Variants in MYH14 observed in about 807,000 individuals in gnomAD.
MYH14 encodes myosin heavy chain 14.
MYH14 carries 123 observed loss-of-function variants against 255.5 expected under a neutral mutation model. The ratio of observed to expected loss-of-function variants is 0.48; its 90% CI spans 0.42 to 0.56. The LOEUF (loss-of-function observed/expected upper bound fraction) is 0.56, where lower values mean the gene tolerates loss of function less well. Among genes scored for constraint, MYH14 ranks in the 20% least tolerant of loss-of-function variants. The probability of loss-of-function intolerance (pLI) is 0.00; values close to 1 mark genes in which losing one functional copy is unlikely to be tolerated. For synonymous variants in MYH14, 1,095 were observed against 1,161.2 expected (o/e 0.94, Z 1.16); for missense variants, 2,423 against 2,802.3 (o/e 0.86, Z 3.06).
At chr19:50,215,110 G>T (rs371528971) in intron 2 of MYH14, among the ~76,000 whole-genome samples, 1 of 152,280 alleles carries the variant, frequency 6.6e-6, no homozygotes, top group Non-Finnish European at 1.5e-5. Context: ...CCCACCCTGT[G>T]GGGGTGCACC....
intron 2 of MYH14, among the ~76,000 whole-genome samples, chr19:50,216,391 C>T (rs1363205667): frequency 6.6e-6 from 1 of 151,928 alleles, no homozygotes; most frequent in African/African-American, 2.4e-5. Context: ...TTAGTTGAGC[C>T]CAGGAATTCA....
chr19:50,230,975 C>T lies in MYH14; in HGVS notation c.973+352C>T. The T allele has an allele frequency of 3.4e-6, 1 of 292,944 alleles. No homozygotes were observed. The highest frequency in any genetic ancestry group is 6.6e-6 in the Non-Finnish European group (1 of 151,488). 18.1% of individuals were successfully genotyped at this position (292,944 alleles called of 1,614,324 possible). On this transcript the variant is annotated intron_variant, in intron 9 of 42. Coordinates refer to ENST00000642316, the MANE Select transcript of MYH14 (RefSeq NM_001145809.2). The surrounding 1 kb of genome is among the most constrained non-coding windows in gnomAD (Gnocchi z 4.7). ...GCGGGTGACTCCGGCTTTGCTGAGG[C>T]TCCTCCTGGTTCCTGACGACGCTGG...
At chr19:50,205,160 T>C (rs1213850857) in intron 1 of MYH14, among the ~76,000 whole-genome samples, 1 of 152,140 alleles carries the variant, frequency 6.6e-6, no homozygotes, top group African/African-American at 2.4e-5. Context: ...TGAACGTCGT[T>C]TTATTAATTT....
chr19:50,272,464 T>C (rs1016794248), intron 26 of MYH14, 96 bp from the exon 27 acceptor site: 1 of 1,318,776 alleles, frequency 7.6e-7, no homozygotes, highest in Non-Finnish European at 1.1e-6. Context: ...GTGCTGAGCT[T>C]AGCCTTATAT....
chr19:50,297,743 G>C (rs548843583), intron 39 of MYH14, among the ~76,000 whole-genome samples: 4 of 151,166 alleles, frequency 2.6e-5, no homozygotes, highest in Non-Finnish European at 5.9e-5. Flanking sequence ...CAGGTGATCC[G>C]CTGCCTCAGC....
rs1321588981 is a variant in MYH14 at position 50,255,334 on chromosome 19, C to T, written c.2044+16C>T. ...CCGCCAGGGGGTGGGTGTCTCTGTG[C>T]ATCGATGGGTGAGGCTTGCTGGAGG... On this transcript the variant is annotated intron_variant, in intron 17 of 42. Coordinates refer to ENST00000642316, the MANE Select transcript of MYH14 (RefSeq NM_001145809.2). The T allele has an allele frequency of 1.9e-6, 3 of 1,540,800 alleles. No homozygotes were observed. Among genetic ancestry groups the T allele is most frequent in the Non-Finnish European group, 2.6e-6 (3 of 1,138,418 alleles).
chr19:50,273,644 G>A (rs559773188), intron 27 of MYH14, among the ~76,000 whole-genome samples: 1 of 150,328 alleles, frequency 6.7e-6, no homozygotes, highest in South Asian at 2.1e-4. Context: ...TTAAGAACAC[G>A]TCTTTGTTTT....
chr19:50,216,631 G>GCATGGT (rs2032486793), intron 2 of MYH14, among the ~76,000 whole-genome samples: 2 of 151,628 alleles, frequency 1.3e-5, no homozygotes, highest in Non-Finnish European at 2.9e-5. Flanking sequence ...AAAAGACTAG[G>GCATGGT]CATGGTCATG....
At chr19:50,240,126 A>G (rs2033831077) in intron 10 of MYH14, among the ~76,000 whole-genome samples, 1 of 152,132 alleles carries the variant, frequency 6.6e-6, no homozygotes, top group South Asian at 2.1e-4. Context: ...TCTGTCACTC[A>G]GCCGTGTGTT....
chr19:50,230,630 G>A lies in MYH14; in HGVS notation c.973+7G>A, dbSNP rs2033329470. On this transcript the variant is annotated splice_region_variant and intron_variant, in intron 9 of 42. Transcript: ENST00000642316. The surrounding 1 kb of genome is among the most constrained non-coding windows in gnomAD (Gnocchi z 4.7). ...GCTGGAGAGCAGCTCAAAGGTCAGT[G>A]CCGCCCCGTCCTACCCTGCTCACCC... 6.4e-7 allele frequency: 1 copy of A among 1,556,130 alleles called. No individual in the cohort carries two copies. The highest frequency in any genetic ancestry group is 1.4e-5 in the African/African-American group (1 of 73,316).
Position 50,289,429 on chromosome 19 carries a change from C to T in MYH14, c.4753-7C>T, listed in dbSNP as rs537207933. On this transcript the variant is annotated splice_region_variant and splice_polypyrimidine_tract_variant and intron_variant, in intron 34 of 42. Transcript: ENST00000642316. ...CCCAGGTACCCAGCAGCTACTCTCC[C>T]CACCAGGTGCATGAGCTGGAACGAG... is the stretch of plus-strand genomic sequence containing the variant. 5.0e-6 allele frequency: 8 copies of T among 1,602,112 alleles called. 2 individuals carry two copies. The highest frequency in any genetic ancestry group is 1.7e-4 in the Middle Eastern group (1 of 6,042).
intron 35 of MYH14, among the ~76,000 whole-genome samples, 175 bp from the exon 36 acceptor site, chr19:50,290,712 G>A (rs899209652): frequency 3.3e-5 from 5 of 152,166 alleles, no homozygotes; most frequent in Non-Finnish European, 5.9e-5. Context: ...TGAGATGGGG[G>A]ACTGAGCTGG....
intron 1 of MYH14, among the ~76,000 whole-genome samples, chr19:50,209,831 C>T (rs2032060364): frequency 6.7e-6 from 1 of 149,212 alleles, no homozygotes; most frequent in Non-Finnish European, 1.5e-5. Context: ...GGTGTGGTAG[C>T]TCATGCCTAT....
chr19:50,296,096 G>A (rs1388400053), intron 39 of MYH14, among the ~76,000 whole-genome samples: 24 of 150,160 alleles, frequency 1.6e-4, no homozygotes, highest in South Asian at 4.2e-4. Context: ...GTGACAGAGC[G>A]AGACTTTGTC....
At chr19:50,219,177 C>G (rs1160863157) in intron 3 of MYH14, among the ~76,000 whole-genome samples, 1 of 148,602 alleles carries the variant, frequency 6.7e-6, no homozygotes, top group Non-Finnish European at 1.5e-5. Context: ...AGTTTATCTA[C>G]TCGTTGGTTG....
chr19:50,227,356 C>T (rs774812484), intron 8 of MYH14, among the ~76,000 whole-genome samples: 2 of 152,104 alleles, frequency 1.3e-5, no homozygotes, highest in Non-Finnish European at 2.9e-5. Flanking sequence ...ACACAGGACA[C>T]CAGGTGCGAC....
intron 6 of MYH14, 83 bp from the exon 7 acceptor site, chr19:50,225,502 C>G: frequency 9.6e-7 from 1 of 1,046,728 alleles, no homozygotes; most frequent in Non-Finnish European, 1.4e-6. Context: ...ACTCAGTCAG[C>G]TGGAGACACA....
chr19:50,207,292 A>AGAGAGAGAGAGAGAGAGAGG (rs1568458480), intron 1 of MYH14, among the ~76,000 whole-genome samples: 1 of 149,422 alleles, frequency 6.7e-6, no homozygotes, highest in Non-Finnish European at 1.5e-5. Flanking sequence ...AGAGAGAGAG[A>AGAGAGAGAGAGAGAGAGAGG]GAGAGAGAGA....
rs1331282016 is a variant in MYH14 at position 50,289,547 on chromosome 19, C to T, written c.4864C>T (p.Arg1622Cys). 2.5e-6 allele frequency: 4 copies of T among 1,612,804 alleles called. No homozygotes were observed. Among genetic ancestry groups the T allele is most frequent in the East Asian group, 4.5e-5 (2 of 44,876 alleles). Residue 1622 changes from arginine (R) to cysteine (C), a missense_variant, in exon 35 of 43, where the codon CGT (arginine) becomes TGT (cysteine). This residue lies in a region of MYH14 where 1,513 missense variants were observed against 1,674.8 expected (regional missense o/e 0.90). Transcript: ENST00000642316. ...GACAGCGGCCGAGGATGCCAAGCTG[C>T]GTCTGGAGGTGACTGTGCAGGCTCT... ...ELTAAEDAKL[R>C]LEVTVQALKT...
Sources: gnomAD v4.1 joint callset for allele counts (sites outside exome capture counted in the v4.1 genomes callset) on GRCh38, gnomAD v4.1.1 for gene constraint, gnomAD v4.1.1 regional missense constraint, Gnocchi (gnomAD v3.1) non-coding constraint, MANE v1.5 for transcripts, NCBI Gene and HGNC (gene_info 2026-07-23, HGNC 2026-07-21) for gene names.